Variants in RARB observed in about 807,000 individuals in gnomAD.
The protein encoded by RARB is HBV-activated protein.
RARB carries 17 observed loss-of-function variants against 51.9 expected under a neutral mutation model. The ratio of observed to expected loss-of-function variants is 0.33; its 90% CI spans 0.22 to 0.49. RARB has a LOEUF of 0.49. RARB is among the 20% of genes least tolerant of loss of function. The pLI is 0.99. For missense variants in RARB, 369 were observed against 550.8 expected, an observed-to-expected ratio of 0.67 and a Z score of 3.30; for synonymous variants, 215 against 195.4, an observed-to-expected ratio of 1.10 and a Z score of -0.84.
At chr3:25,285,664 G>A (rs1161432645) in intron 5 of RARB, among the ~76,000 whole-genome samples, 1 of 152,140 alleles carries the variant, frequency 6.6e-6, no homozygotes, top group Non-Finnish European at 1.5e-5. Context: ...CTTTTCAGGT[G>A]AAATAGACAG....
At chr3:25,247,949 A>G (rs61512942) in intron 5 of RARB, among the ~76,000 whole-genome samples, 5,440 of 152,298 alleles carry the variant, frequency 0.036, 321 homozygotes, top group African/African-American at 0.12. Flanking sequence ...TTCTGTCTAG[A>G]TGATCTGCTT....
At chr3:25,143,288 A>G (rs1379310012) in intron 4 of RARB, among the ~76,000 whole-genome samples, 1 of 152,178 alleles carries the variant, frequency 6.6e-6, no homozygotes, top group Non-Finnish European at 1.5e-5. Context: ...GTGTAGGATG[A>G]AGAGGGAAGG....
intron 3 of RARB, among the ~76,000 whole-genome samples, chr3:25,067,398 AAGTGGTC>A (rs1270294030): frequency 8.5e-5 from 13 of 152,180 alleles, no homozygotes; most frequent in Admixed American, 2.0e-4. Flanking sequence ...AAGATGGAGG[AAGTGGTC>A]CATTGGTTCA....
Position 25,190,015 on chromosome 3 carries a change from G to C in RARB, c.178+15440G>C, listed in dbSNP as rs1017391592. On this transcript the variant is annotated intron_variant, in intron 5 of 11. Coordinates refer to the RARB transcript ENST00000383772. ...TTAGAACTGAATGAAGTAATGTTTA[G>C]GAGAGACTTTGCATAGAGCCTCAGT... Among the ~76,000 whole-genome samples, 13 of 152,184 alleles carry C rather than the reference G, an allele frequency of 8.5e-5. No individual in the cohort carries two copies. The East Asian group carries it at 1.7e-3, about 20-fold the overall frequency.
intron 5 of RARB, among the ~76,000 whole-genome samples, chr3:25,219,777 A>G (rs73149210): frequency 1.3e-5 from 2 of 152,274 alleles, no homozygotes; most frequent in African/African-American, 4.8e-5. Context: ...GAACCATACT[A>G]CCAAATGGTT....
chr3:25,240,948 A>T (rs1702416524), intron 5 of RARB, among the ~76,000 whole-genome samples: 1 of 152,160 alleles, frequency 6.6e-6, no homozygotes, highest in African/African-American at 2.4e-5. Flanking sequence ...CAATGAAGCC[A>T]TTTGGCCCTA....
chr3:25,401,286 G>A (rs1473415698), intron 5 of RARB, among the ~76,000 whole-genome samples: 2 of 152,110 alleles, frequency 1.3e-5, no homozygotes, highest in African/African-American at 2.4e-5. Context: ...TCGAGATTAT[G>A]CACTCCCTAC....
At chr3:24,913,808 A>G (rs1056333869) in intron 2 of RARB, among the ~76,000 whole-genome samples, 4 of 152,214 alleles carry the variant, frequency 2.6e-5, no homozygotes, top group African/African-American at 4.8e-5. Context: ...ATAATTATGA[A>G]TTTGTAAATC....
chr3:25,583,531 T>C (rs1026275873), intron 5 of RARB, among the ~76,000 whole-genome samples: 1 of 152,248 alleles, frequency 6.6e-6, no homozygotes, highest in Middle Eastern at 3.2e-3. Flanking sequence ...GCTGGCACTT[T>C]CACAGGAAGA....
intron 2 of RARB, among the ~76,000 whole-genome samples, chr3:24,915,146 C>G (rs561361195): frequency 1.3e-5 from 2 of 152,068 alleles, no homozygotes; most frequent in African/African-American, 4.8e-5. Context: ...ACAAGAGATA[C>G]AAAAGTTGAA....
chr3:25,229,017 A>G (rs1418612677), intron 5 of RARB, among the ~76,000 whole-genome samples: 1 of 151,990 alleles, frequency 6.6e-6, no homozygotes, highest in African/African-American at 2.4e-5. Flanking sequence ...CTGCTGTCCT[A>G]TCCACTAACT....
chr3:25,017,183 G>A (rs774999729), intron 2 of RARB, among the ~76,000 whole-genome samples: 2 of 151,852 alleles, frequency 1.3e-5, no homozygotes, highest in African/African-American at 4.8e-5. Context: ...TTTGGATCCT[G>A]GCCTCGTTGT....
chr3:25,022,615 T>G lies in RARB; in HGVS notation c.-379-37510T>G, dbSNP rs140398069. The stretch of plus-strand genomic sequence containing the variant: ...TACTAGCCCTTGGCACTTTCAGTCT[T>G]TTTTACTTTAACCGTTCTGTTGAGT... On this transcript the variant is annotated intron_variant, in intron 2 of 11. Transcript: ENST00000383772. Among the ~76,000 whole-genome samples, 1,286 of 152,338 alleles carry G rather than the reference T, an allele frequency of 8.4e-3. 21 individuals carry two copies. The highest frequency in any genetic ancestry group is 0.029 in the African/African-American group (1,212 of 41,568).
At chr3:25,364,251 A>T (rs1706044029) in intron 5 of RARB, among the ~76,000 whole-genome samples, 1 of 152,202 alleles carries the variant, frequency 6.6e-6, no homozygotes, top group African/African-American at 2.4e-5. Flanking sequence ...AGTATCTGGC[A>T]CAGAGCAAGT....
At chr3:24,841,199 G>A (rs548767417) in intron 1 of RARB, among the ~76,000 whole-genome samples, 1 of 152,068 alleles carries the variant, frequency 6.6e-6, no homozygotes, top group Non-Finnish European at 1.5e-5. Context: ...CAATTCCATG[G>A]ACGTTTTCCC....
At chr3:25,590,375 C>A (rs1701569081) in intron 5 of RARB, among the ~76,000 whole-genome samples, 1 of 152,194 alleles carries the variant, frequency 6.6e-6, no homozygotes, top group Non-Finnish European at 1.5e-5. Flanking sequence ...TGGATTCTTT[C>A]ATTTTTTGCA....
intron 2 of RARB, among the ~76,000 whole-genome samples, chr3:24,887,522 ATATG>A (rs1202613169): frequency 4.6e-5 from 7 of 152,198 alleles, no homozygotes; most frequent in Non-Finnish European, 4.4e-5. Flanking sequence ...TATGCTTATA[ATATG>A]TATTAAATGG....
chr3:25,557,556 GT>G (rs1700110158), intron 3 of RARB, among the ~76,000 whole-genome samples: 1 of 152,024 alleles, frequency 6.6e-6, no homozygotes, highest in Admixed American at 6.5e-5. Flanking sequence ...CTCCTCCTTT[GT>G]TCCCTCACCA....
intron 2 of RARB, among the ~76,000 whole-genome samples, chr3:25,462,058 G>T (rs989736955): frequency 2.0e-5 from 3 of 152,178 alleles, no homozygotes; most frequent in Admixed American, 2.0e-4. Context: ...GTTGAAACTG[G>T]GATTTGTCTG....
Sources: allele counts gnomAD v4.1 joint callset (sites outside exome capture counted in the v4.1 genomes callset), GRCh38; gene constraint gnomAD v4.1.1; transcripts MANE v1.5; gene names NCBI Gene and HGNC (gene_info 2026-07-23, HGNC 2026-07-21).